TCHP: variants seen among roughly 807,000 people sequenced by gnomAD.
TCHP encodes trichoplein keratin filament binding.
Under a neutral mutation model 88.7 loss-of-function variants are expected in TCHP, and 81 were observed. The observed-to-expected ratio is 0.91, with a 90% CI of 0.76 to 1.10. TCHP has a LOEUF of 1.10. Ranked by LOEUF, TCHP falls within the 50% of genes least tolerant of loss-of-function variation. The pLI is 0.00. For missense variants in TCHP, 641 were observed against 632.1 expected (o/e 1.01, Z -0.15); for synonymous variants, 232 against 232.5 (o/e 1.00, Z 0.02).
the TCHP span, among the ~76,000 whole-genome samples, chr12:109,884,382 A>G: frequency 0.092 from 13,989 of 151,746 alleles, 1,164 homozygotes; most frequent in African/African-American, 0.23. Context: ...TAGAGACAGG[A>G]TTTCACCGTG....
intron 7 of TCHP, 54 bp from the exon 8 acceptor site, chr12:109,908,817 C>G (rs1051325735): frequency 1.5e-5 from 24 of 1,599,504 alleles, no homozygotes; most frequent in Non-Finnish European, 2.0e-5. Context: ...TATCTAACTT[C>G]TATTTAATTC....
chr12:109,914,562 G>C lies in TCHP; in HGVS notation c.1255G>C (p.Ala419Pro). 6.2e-7 allele frequency: 1 copy of C among 1,613,904 alleles called. No individual in the cohort carries two copies. The highest frequency in any genetic ancestry group is 8.5e-7 in the Non-Finnish European group (1 of 1,180,006). The change falls in exon 11 of 13, where the codon GCT (alanine) becomes CCT (proline). Residue 419 changes from alanine to proline, a missense_variant. By Grantham distance (27) the Ala-to-Pro change is conservative (BLOSUM62 -1). Transcript: ENST00000405876. ...IRNLEEVREL[A>P]RREKEESEKL... The stretch of plus-strand genomic sequence containing the variant: ...AAATCTTGAGGAGGTGAGAGAGTTG[G>C]CTCGTCGCGAGAAAGAGGAGAGTGA...
intron 6 of TCHP, 23 bp downstream of exon 6, chr12:109,907,722 C>G (rs916765761): frequency 2.5e-6 from 4 of 1,573,784 alleles, no homozygotes; most frequent in East Asian, 2.4e-5. Context: ...CCCTCTCAGC[C>G]GTGACCTCCT....
intron 9 of TCHP, among the ~76,000 whole-genome samples, chr12:109,912,362 C>T (rs1370461248): frequency 2.0e-5 from 3 of 152,166 alleles, no homozygotes; most frequent in Non-Finnish European, 4.4e-5. Flanking sequence ...CATGCGGTGG[C>T]AGGGTTCAGG....
chr12:109,888,472 T>C, the TCHP span: 1 of 152,128 alleles, frequency 6.6e-6, no homozygotes, highest in Non-Finnish European at 1.5e-5. Flanking sequence ...GGGTGAGGTG[T>C]TCACTCTGCA....
In TCHP at chr12:109,917,641, C is replaced by G. The variant is rs1029320130; in HGVS notation, c.*1018C>G. ...AACCACAGACCGGCCAGAAATCTCT[C>G]CCACCATTATATCAGCGTGATACAG... On this transcript the variant is annotated 3_prime_UTR_variant, in exon 13 of 13. Coordinates refer to ENST00000405876, the MANE Select transcript of TCHP (RefSeq NM_001143852.2). 1 of 152,612 alleles carries G rather than the reference C, an allele frequency of 6.6e-6. No homozygotes were observed. Among genetic ancestry groups the G allele is most frequent in the African/African-American group, 2.4e-5 (1 of 41,432 alleles). The allele number at this position is 152,612 out of a possible 1,614,324, so 9.5% of individuals were successfully genotyped here.
chr12:109,913,047 G>A lies in TCHP; in HGVS notation c.1109G>A (p.Ser370Asn), dbSNP rs1287755435. The stretch of plus-strand genomic sequence containing the variant: ...GAGGCAGAGTGGGCCCGAGAGCGCA[G>A]CGCACGGGACAGACTGATGAGCGAG... ...KREAEWARERSARDRLMSEVL... is the reference protein window; with the variant it reads ...KREAEWARERNARDRLMSEVL... The change falls in exon 10 of 13, where the codon AGC (serine) becomes AAC (asparagine). Residue 370 changes from serine (S) to asparagine (N), a missense_variant. Coordinates refer to ENST00000405876, the MANE Select transcript of TCHP (RefSeq NM_001143852.2). The A allele has an allele frequency of 6.8e-6, 11 of 1,613,816 alleles. No homozygotes were observed. Among genetic ancestry groups the A allele is most frequent in the Non-Finnish European group, 9.3e-6 (11 of 1,180,020 alleles).
Position 109,914,449 on chromosome 12 carries a change from CAGGG to C in TCHP, c.1145_1148del (p.Gly382AspfsTer20). On this transcript the variant is annotated frameshift_variant, in exon 11 of 13. Transcript: ENST00000405876. LOFTEE classifies it high-confidence loss of function. ...TCTTTCTGCTGAGGTTAGGTTCTGA[CAGGG>C]AGACAACAGCAAATACAAGAGAAGA... The C allele has an allele frequency of 6.2e-7, 1 of 1,611,764 alleles. No homozygotes were observed. Among genetic ancestry groups the C allele is most frequent in the Non-Finnish European group, 8.5e-7 (1 of 1,178,340 alleles).
the TCHP span, among the ~76,000 whole-genome samples, chr12:109,894,356 A>G: frequency 6.6e-6 from 1 of 151,470 alleles, no homozygotes; most frequent in Middle Eastern, 3.4e-3. Flanking sequence ...GCTACTGAGG[A>G]GGCTGAGGCA....
chr12:109,905,767 G>A lies in TCHP; in HGVS notation c.457-805G>A, dbSNP rs1206720035. Among the ~76,000 whole-genome samples the A allele has an allele frequency of 6.6e-6, 1 of 152,218 alleles. No individual in the cohort carries two copies. The highest frequency in any genetic ancestry group is 2.4e-5 in the African/African-American group (1 of 41,438). On this transcript the variant is annotated intron_variant, in intron 4 of 12. Coordinates refer to ENST00000405876, the MANE Select transcript of TCHP (RefSeq NM_001143852.2). The surrounding 1 kb of genome is among the most constrained non-coding windows in gnomAD (Gnocchi z 4.0). The stretch of plus-strand genomic sequence containing the variant: ...ATCTGTGGGAGGACTCCTTAGCCCT[G>A]TTGGCTTCGGTGGAATCATCCAGAG...
At chr12:109,891,002 C>T in the TCHP span, among the ~76,000 whole-genome samples, 1 of 152,224 alleles carries the variant, frequency 6.6e-6, no homozygotes, top group Non-Finnish European at 1.5e-5. Context: ...CAGCCTCTGC[C>T]TGGCAGCTAA....
chr12:109,891,395 T>C, the TCHP span, among the ~76,000 whole-genome samples: 178 of 151,578 alleles, frequency 1.2e-3, no homozygotes, highest in Admixed American at 1.6e-3. Context: ...ATTTCCTTTT[T>C]TTTTTTTTTT....
chr12:109,904,012 G>A lies in TCHP; in HGVS notation c.264G>A (p.Arg88=). ...TGGAGGCCCGACGGGAAAAGCTCAG[G>A]CAGCTCATGCAGGAGGAGCAGGACC... ...RSLEARREKL[R]QLMQEEQDLL... Residue 88 remains arginine (R), a synonymous_variant, in exon 3 of 13, where the codon AGG becomes AGA. Transcript: ENST00000405876. 1.2e-6 allele frequency: 2 copies of A among 1,610,448 alleles called. No individual in the cohort carries two copies. The highest frequency in any genetic ancestry group is 1.7e-6 in the Non-Finnish European group (2 of 1,178,426).
chr12:109,886,796 C>T, the TCHP span, among the ~76,000 whole-genome samples: 6 of 152,078 alleles, frequency 3.9e-5, no homozygotes, highest in Non-Finnish European at 8.8e-5. Flanking sequence ...GCACCCTCCA[C>T]CTCCCGGGTT....
chr12:109,900,634 C>G (rs1222766032), intron 1 of TCHP: 1 of 152,258 alleles, frequency 6.6e-6, no homozygotes, highest in African/African-American at 2.4e-5. Flanking sequence ...CGGGGAGCAG[C>G]CCACCTTGTG....
upstream of TCHP, among the ~76,000 whole-genome samples, chr12:109,897,566 CTTTT>C (rs563239979): frequency 1.4e-5 from 2 of 145,666 alleles, no homozygotes; most frequent in South Asian, 2.2e-4. Flanking sequence ...TTCTTTCTTT[CTTTT>C]TTTTTTTTGA....
chr12:109,893,093 C>A, the TCHP span, among the ~76,000 whole-genome samples: 1 of 152,070 alleles, frequency 6.6e-6, no homozygotes, highest in African/African-American at 2.4e-5. Context: ...AAATTGTGAA[C>A]ATCAGGCCGG....
chr12:109,914,837 A>T (rs1870710883), intron 11 of TCHP: 1 of 528,962 alleles, frequency 1.9e-6, no homozygotes, highest in African/African-American at 1.9e-5. Context: ...TGAGGCCGGT[A>T]CTGCTGTCTG....
At chr12:109,892,313 G>T in the TCHP span, among the ~76,000 whole-genome samples, 2 of 152,202 alleles carry the variant, frequency 1.3e-5, no homozygotes, top group East Asian at 1.9e-4. Flanking sequence ...ATTTACACTG[G>T]GATCCTGAAG....
Sources: gnomAD v4.1 joint callset for allele counts (sites outside exome capture counted in the v4.1 genomes callset) on GRCh38, gnomAD v4.1.1 for gene constraint, Gnocchi (gnomAD v3.1) non-coding constraint, MANE v1.5 for transcripts, NCBI Gene and HGNC (gene_info 2026-07-23, HGNC 2026-07-21) for gene names.